The following ZNF438 variants were observed in gnomAD, a reference collection of about 807,000 sequenced individuals.
ZNF438 encodes zinc finger protein 438.
ZNF438 carries 25 observed loss-of-function variants against 38.0 expected under a neutral mutation model. The ratio of observed to expected loss-of-function variants is 0.66; its 90% confidence interval spans 0.48 to 0.92. ZNF438 has a LOEUF of 0.92. Ranked by LOEUF, ZNF438 falls within the 40% of genes least tolerant of loss-of-function variation. ZNF438 has a pLI of 0.00. For synonymous variants in ZNF438, 372 were observed against 364.1 expected (o/e 1.02, Z -0.25); for missense variants, 1,007 against 999.6 (o/e 1.01, Z -0.10).
At chr10:30,956,340 GTTTTA>G (rs767268625) in intron 1 of ZNF438, among the ~76,000 whole-genome samples, 20 of 152,138 alleles carry the variant, frequency 1.3e-4, no homozygotes, top group Non-Finnish European at 2.4e-4. Context: ...TCTTTTTAAA[GTTTTA>G]TTTTATTTTT....
chr10:30,953,239 C>A (rs2048430998), intron 1 of ZNF438, among the ~76,000 whole-genome samples: 1 of 149,736 alleles, frequency 6.7e-6, no homozygotes, highest in Non-Finnish European at 1.5e-5. Context: ...ATATCACACT[C>A]TGGGGACTGT....
At chr10:30,850,276 G>A (rs1345443398) in exon 5 of ZNF438, 1 of 1,614,142 alleles carries the variant, frequency 6.2e-7, no homozygotes, top group East Asian at 2.2e-5. Flanking sequence ...TTAGGACTTT[G>A]GGCACAATTT....
intron 2 of ZNF438, among the ~76,000 whole-genome samples, chr10:30,913,026 C>CA (rs2043239682): frequency 6.6e-6 from 1 of 151,914 alleles, no homozygotes; most frequent in Non-Finnish European, 1.5e-5. Context: ...ATAACTGCAC[C>CA]ACTATAACTT....
chr10:30,955,402 A>G (rs2048752049), intron 1 of ZNF438, among the ~76,000 whole-genome samples: 1 of 152,246 alleles, frequency 6.6e-6, no homozygotes, highest in South Asian at 2.1e-4. Flanking sequence ...TTTGACCAAC[A>G]GAATATAGTG....
chr10:30,857,037 A>T (rs2133026021), intron 4 of ZNF438, among the ~76,000 whole-genome samples: 1 of 152,244 alleles, frequency 6.6e-6, no homozygotes, highest in Admixed American at 6.5e-5. Context: ...GATTAAGAAA[A>T]ATGAGGTTTG....
intron 1 of ZNF438, among the ~76,000 whole-genome samples, chr10:30,942,219 G>C (rs2046890004): frequency 6.6e-6 from 1 of 152,170 alleles, no homozygotes; most frequent in Non-Finnish European, 1.5e-5. Context: ...AGATCGATAA[G>C]GACTAGGATT....
chr10:30,901,390 TTACAGTTCTTA>T (rs1270045362), intron 3 of ZNF438, among the ~76,000 whole-genome samples: 1 of 151,508 alleles, frequency 6.6e-6, no homozygotes, highest in Admixed American at 6.6e-5. Context: ...GCGCTGAGTG[TTACAGTTCTTA>T]AAGGCGGCAC....
chr10:30,988,707 A>G (rs2053130662), intron 1 of ZNF438, among the ~76,000 whole-genome samples: 1 of 152,158 alleles, frequency 6.6e-6, no homozygotes, highest in Admixed American at 6.5e-5. Context: ...ATTTCTTAAT[A>G]GGACTATTTT....
intron 1 of ZNF438, among the ~76,000 whole-genome samples, chr10:30,954,276 T>C (rs2048613251): frequency 6.6e-6 from 1 of 152,338 alleles, no homozygotes; most frequent in East Asian, 1.9e-4. Flanking sequence ...AACTGTTTCA[T>C]TTTCAAGTAG....
chr10:30,879,049 G>A (rs1029223007), intron 3 of ZNF438, among the ~76,000 whole-genome samples: 1 of 152,188 alleles, frequency 6.6e-6, no homozygotes, highest in African/African-American at 2.4e-5. Context: ...CTGGAAAAGA[G>A]AGCTACACAC....
chr10:30,931,111 G>A (rs756034744), intron 2 of ZNF438, among the ~76,000 whole-genome samples: 11 of 152,184 alleles, frequency 7.2e-5, no homozygotes, highest in Non-Finnish European at 1.5e-4. Context: ...GTCAAAGAGA[G>A]TCAATCCACA....
intron 3 of ZNF438, among the ~76,000 whole-genome samples, chr10:30,906,329 C>T (rs765813981): frequency 2.6e-5 from 4 of 152,122 alleles, no homozygotes; most frequent in South Asian, 2.1e-4. Context: ...CTACTGCCAA[C>T]GTCATTGTTT....
chr10:30,968,972 C>T (rs565370405), intron 1 of ZNF438, among the ~76,000 whole-genome samples: 24 of 152,202 alleles, frequency 1.6e-4, no homozygotes, highest in African/African-American at 5.8e-4. Flanking sequence ...AAAATACACA[C>T]AGTCCTCAGA....
At chr10:30,903,209 C>T (rs1029835817) in intron 3 of ZNF438, among the ~76,000 whole-genome samples, 4 of 152,192 alleles carry the variant, frequency 2.6e-5, no homozygotes, top group African/African-American at 9.6e-5. Flanking sequence ...GCCAAGGGAG[C>T]CGGCTCCGGA....
At chr10:30,913,689 GGAA>G (rs1408068880) in intron 2 of ZNF438, among the ~76,000 whole-genome samples, 1 of 152,024 alleles carries the variant, frequency 6.6e-6, no homozygotes, top group Non-Finnish European at 1.5e-5. Context: ...AGGCACAAGG[GGAA>G]GAAGAATTAC....
chr10:30,905,310 T>C (rs2042464293), intron 3 of ZNF438, among the ~76,000 whole-genome samples: 1 of 152,218 alleles, frequency 6.6e-6, no homozygotes, highest in Non-Finnish European at 1.5e-5. Context: ...ATTATAGCCA[T>C]CCCACGAGGC....
chr10:30,978,828 T>C (rs981613709), intron 1 of ZNF438, among the ~76,000 whole-genome samples: 11 of 152,230 alleles, frequency 7.2e-5, no homozygotes, highest in Admixed American at 3.9e-4. Flanking sequence ...TAAATGAACA[T>C]TGGCTTCAAG....
At chr10:30,977,785 C>T (rs1208665737) in intron 1 of ZNF438, among the ~76,000 whole-genome samples, 1 of 152,010 alleles carries the variant, frequency 6.6e-6, no homozygotes, top group Non-Finnish European at 1.5e-5. Flanking sequence ...GAGTTCGAGA[C>T]TAGCCTGGCT....
At chr10:31,004,520 TA>T (rs760051604) in intron 1 of ZNF438, among the ~76,000 whole-genome samples, 32 of 152,030 alleles carry the variant, frequency 2.1e-4, no homozygotes, top group African/African-American at 7.2e-4. Flanking sequence ...ATAACACTGA[TA>T]GGGGGTTAAA....
Sources: gnomAD v4.1 joint callset for allele counts (sites outside exome capture counted in the v4.1 genomes callset) on GRCh38, gnomAD v4.1.1 for gene constraint, MANE v1.5 for transcripts, NCBI Gene and HGNC (gene_info 2026-07-23, HGNC 2026-07-21) for gene names.